ZC3H12C: variants seen among roughly 807,000 people sequenced by gnomAD.
The protein encoded by ZC3H12C is zinc finger CCCH-type containing 12C.
A neutral mutation model predicts 76.3 loss-of-function variants in ZC3H12C; 20 were observed. The observed-to-expected ratio is 0.26, with a 90% CI of 0.18 to 0.38. The LOEUF is 0.38. Among genes scored for constraint, ZC3H12C ranks in the 10% least tolerant of loss-of-function variants. The pLI is 1.00. For missense variants in ZC3H12C, 874 were observed against 1,086.5 expected, an observed-to-expected ratio of 0.80 and a Z score of 2.75; for synonymous variants, 352 against 399.6, an observed-to-expected ratio of 0.88 and a Z score of 1.42.
At chr11:110,136,216 T>C (rs911483084) in intron 1 of ZC3H12C, 5 of 153,356 alleles carry the variant, frequency 3.3e-5, no homozygotes, top group African/African-American at 1.2e-4. Flanking sequence ...TATTTATAGA[T>C]ACTTATGAAT....
At chr11:110,126,765 TCTTC>T (rs1245959514) in intron 1 of ZC3H12C, among the ~76,000 whole-genome samples, 1 of 152,186 alleles carries the variant, frequency 6.6e-6, no homozygotes, top group Non-Finnish European at 1.5e-5. Context: ...ATTTTTGTTG[TCTTC>T]CTTATTGGTT....
rs1862304746 is a variant in ZC3H12C, at chr11:110,153,048, T to C, written c.903T>C (p.Ala301=). 1.2e-6 allele frequency: 2 copies of C among 1,611,676 alleles called. No homozygotes were observed. Among genetic ancestry groups the C allele is most frequent in the Non-Finnish European group, 1.7e-6 (2 of 1,178,874 alleles). ...GGAAAGAGCAATCCCGACCTGATGC[T>C]CTCATTACAGGTAGGCTTATTCCAG... The part of the protein sequence containing the change: ...AWRKEQSRPD[A]LITDQEILRK... The change falls in exon 3 of 6, where the codon GCT becomes GCC. Residue 301 remains alanine (A), a synonymous_variant. Transcript: ENST00000278590.
intron 1 of ZC3H12C, among the ~76,000 whole-genome samples, chr11:110,118,041 T>TACACACACATATATATTATATATATACAC (rs1297698953): frequency 1.3e-5 from 1 of 79,950 alleles, no homozygotes; most frequent in African/African-American, 4.5e-5. Flanking sequence ...TATATATATA[T>TACACACACATATATATTATATATATACAC]ACACATATAT....
rs192666937 is a variant in ZC3H12C at position 110,119,471 on chromosome 11, A to G, written c.22-17192A>G. ...CTTGAGAAGCATTGTCTTCTAATGCACTACATGACCTGGCTTCCCTTAACC... is the reference window on the plus strand; with the variant it reads ...CTTGAGAAGCATTGTCTTCTAATGCGCTACATGACCTGGCTTCCCTTAACC... On this transcript the variant is annotated intron_variant, in intron 1 of 5. Coordinates refer to ENST00000278590, the MANE Select transcript of ZC3H12C (RefSeq NM_033390.2). Among the ~76,000 whole-genome samples the G allele has an allele frequency of 7.2e-5, 11 of 152,288 alleles. No homozygotes were observed. The East Asian group carries it at 1.9e-3, about 27-fold the overall frequency.
chr11:110,157,302 TG>T (rs960678677), intron 3 of ZC3H12C, among the ~76,000 whole-genome samples: 1 of 152,152 alleles, frequency 6.6e-6, no homozygotes, highest in African/African-American at 2.4e-5. Context: ...AGATAACTCA[TG>T]TACTTCTCAT....
At chr11:110,136,524 A>C in intron 1 of ZC3H12C, 139 bp from the exon 2 acceptor site, 1 of 883,482 alleles carries the variant, frequency 1.1e-6, no homozygotes, top group South Asian at 1.9e-5. Context: ...TCTCTTGGCA[A>C]GGGTGTTAGG....
At chr11:110,117,564 A>G (rs2134158879) in intron 1 of ZC3H12C, among the ~76,000 whole-genome samples, 1 of 150,564 alleles carries the variant, frequency 6.6e-6, no homozygotes, top group South Asian at 2.1e-4. Context: ...TTAAATTTCA[A>G]ACAACCATAT....
intron 1 of ZC3H12C, among the ~76,000 whole-genome samples, chr11:110,134,326 T>C (rs914968452): frequency 6.6e-6 from 1 of 152,136 alleles, no homozygotes; most frequent in Non-Finnish European, 1.5e-5. Flanking sequence ...ATTCTTTCAC[T>C]GTGCTAGCAT....
chr11:110,135,625 A>G (rs947659672), intron 1 of ZC3H12C, among the ~76,000 whole-genome samples: 10 of 152,266 alleles, frequency 6.6e-5, no homozygotes, highest in African/African-American at 2.2e-4. Flanking sequence ...TTAAGGAAAA[A>G]TAGTAAAATG....
intron 1 of ZC3H12C, among the ~76,000 whole-genome samples, chr11:110,125,445 C>T (rs954829207): frequency 9.9e-5 from 15 of 151,902 alleles, no homozygotes; most frequent in African/African-American, 2.4e-4. Context: ...CTCAGCCTCC[C>T]GAATAACTGG....
chr11:110,121,311 T>C (rs1255513745), intron 1 of ZC3H12C, among the ~76,000 whole-genome samples: 1 of 152,236 alleles, frequency 6.6e-6, no homozygotes, highest in Non-Finnish European at 1.5e-5. Flanking sequence ...CCGGGCACTC[T>C]TCTATGTGGT....
intron 1 of ZC3H12C, among the ~76,000 whole-genome samples, chr11:110,125,595 G>A (rs1861729407): frequency 6.6e-6 from 1 of 152,184 alleles, no homozygotes. Context: ...TGGGATTACA[G>A]GCGTGAGCCA....
In ZC3H12C at chr11:110,170,887, TC is replaced by T. The variant is rs1164688132; in HGVS notation, c.*5151del. On this transcript the variant is annotated 3_prime_UTR_variant, in exon 6 of 6. Coordinates refer to ENST00000278590, the MANE Select transcript of ZC3H12C (RefSeq NM_033390.2). Reference sequence around the variant, plus strand: ...GTTACTTTGTTTTTCCTTAATACTTTCTGTTAACTTAATTATTACTCCTGTT... The same window carrying T: ...GTTACTTTGTTTTTCCTTAATACTTTTGTTAACTTAATTATTACTCCTGTT... 2 of 152,236 alleles carry T rather than the reference TC, an allele frequency of 1.3e-5. No homozygotes were observed. Among genetic ancestry groups the T allele is most frequent in the Non-Finnish European group, 2.9e-5 (2 of 68,028 alleles). The allele number at this position is 152,236 out of a possible 1,614,324, so 9.4% of individuals were successfully genotyped here. A position where few individuals can be genotyped will look rare whatever the true frequency, so the allele number is the denominator to read the frequency against.
intron 4 of ZC3H12C, among the ~76,000 whole-genome samples, chr11:110,161,012 T>G (rs1003839629): frequency 2.3e-5 from 1 of 43,136 alleles, no homozygotes; most frequent in African/African-American, 6.1e-5. Flanking sequence ...AATTTTTGTG[T>G]TTTTTTTTTT....
At chr11:110,118,554 T>TG (rs1461116994) in intron 1 of ZC3H12C, among the ~76,000 whole-genome samples, 1 of 152,158 alleles carries the variant, frequency 6.6e-6, no homozygotes, top group African/African-American at 2.4e-5. Context: ...CCCAGTACTT[T>TG]GGGGGGCCAA....
chr11:110,157,005 C>T (rs1862387919), intron 3 of ZC3H12C, among the ~76,000 whole-genome samples: 1 of 151,936 alleles, frequency 6.6e-6, no homozygotes, highest in African/African-American at 2.4e-5. Flanking sequence ...ATGGTGAAAC[C>T]CCATCTCTAC....
intron 1 of ZC3H12C, among the ~76,000 whole-genome samples, chr11:110,122,581 T>C (rs1861670544): frequency 6.6e-6 from 1 of 152,208 alleles, no homozygotes; most frequent in East Asian, 1.9e-4. Context: ...TTCAACTTCA[T>C]GATGGTGCGA....
At chr11:110,133,088 T>C (rs1425955973) in intron 1 of ZC3H12C, among the ~76,000 whole-genome samples, 2 of 152,178 alleles carry the variant, frequency 1.3e-5, no homozygotes, top group Admixed American at 6.5e-5. Flanking sequence ...TGTTTTTAAA[T>C]CTTTATCATG....
chr11:110,112,938 C>G (rs1861459615), intron 1 of ZC3H12C, among the ~76,000 whole-genome samples: 1 of 151,898 alleles, frequency 6.6e-6, no homozygotes, highest in South Asian at 2.1e-4. Flanking sequence ...ATGCATATAC[C>G]CGTCATCTCT....
Sources: gnomAD v4.1 joint callset for allele counts (sites outside exome capture counted in the v4.1 genomes callset) on GRCh38, gnomAD v4.1.1 for gene constraint, MANE v1.5 for transcripts, NCBI Gene and HGNC (gene_info 2026-07-23, HGNC 2026-07-21) for gene names.